MPC2: variants seen among roughly 807,000 people sequenced by gnomAD.
MPC2 encodes the protein brain protein 44.
In MPC2, 19 loss-of-function variants were observed where a neutral mutation model predicts 19.2. The observed-to-expected ratio is 0.99, with a 90% confidence interval of 0.69 to 1.45. The LOEUF (loss-of-function observed/expected upper bound fraction) is 1.45, where lower values mean the gene tolerates loss of function less well. MPC2 is among the 40% of genes most tolerant of loss of function. The pLI is 0.00. For synonymous variants in MPC2, 61 were observed against 54.3 expected, an observed-to-expected ratio of 1.12 and a Z score of -0.54; for missense variants, 122 against 153.0, an observed-to-expected ratio of 0.80 and a Z score of 1.07.
intron 5 of MPC2, among the ~76,000 whole-genome samples, chr1:167,919,534 C>T (rs1670547888): frequency 6.6e-6 from 1 of 152,220 alleles, no homozygotes; most frequent in Non-Finnish European, 1.5e-5. Flanking sequence ...AAAGACCTCA[C>T]TCTACGTATC....
Position 167,937,053 on chromosome 1 carries a change from A to G in MPC2, c.-172T>C. 6.6e-7 allele frequency: 1 copy of G among 1,513,524 alleles called. No individual in the cohort carries two copies. The highest frequency in any genetic ancestry group is 9.0e-7 in the Non-Finnish European group (1 of 1,105,252). The allele number at this position is 1,513,524 out of a possible 1,614,324, so 93.8% of individuals were successfully genotyped here. A position where few individuals can be genotyped will look rare whatever the true frequency, so the allele number is the denominator to read the frequency against. On this transcript the variant is annotated 5_prime_UTR_variant, in exon 1 of 6. Coordinates refer to ENST00000271373, the MANE Select transcript of MPC2 (RefSeq NM_001143674.4). ...CGGAGGCGCTGAGGTCGCCGCCTAG[A>G]GTGGGGGAGGGGGCACGCTGCCGGG...
chr1:167,936,137 G>A, intron 1 of MPC2: 1 of 408,948 alleles, frequency 2.4e-6, no homozygotes, highest in Non-Finnish European at 4.6e-6. Context: ...ACCTCACCAA[G>A]TCTGCGCTGC....
chr1:167,929,211 A>G (rs1299499828), intron 2 of MPC2, among the ~76,000 whole-genome samples: 1 of 148,796 alleles, frequency 6.7e-6, no homozygotes, highest in Non-Finnish European at 1.5e-5. Context: ...ATACAAAATT[A>G]GCCGGGCGTG....
At chr1:167,934,929 T>C (rs1671037205) in intron 2 of MPC2, among the ~76,000 whole-genome samples, 1 of 152,100 alleles carries the variant, frequency 6.6e-6, no homozygotes, top group Admixed American at 6.5e-5. Flanking sequence ...TTCAGTTTCT[T>C]ACAGTTTTTT....
rs549889719 is a variant in MPC2, at chr1:167,936,135, A to C, written c.-57-237T>G. 17 of 412,180 alleles carry C rather than the reference A, an allele frequency of 4.1e-5. No individual in the cohort carries two copies. The East Asian group carries it at 4.7e-4, about 11-fold the overall frequency. The allele number at this position is 412,180 out of a possible 1,614,324, so 25.5% of individuals were successfully genotyped here. ...CAGGTGCCAAAATAATCACCTCACC[A>C]AGTCTGCGCTGCGCCCTGCTGGCAG... On this transcript the variant is annotated intron_variant, in intron 1 of 5. Transcript: ENST00000271373.
intron 2 of MPC2, among the ~76,000 whole-genome samples, chr1:167,928,681 A>C (rs1670822163): frequency 1.3e-5 from 2 of 152,258 alleles, no homozygotes; most frequent in African/African-American, 4.8e-5. Context: ...ACACAGGCTT[A>C]TGTTCTGTAC....
At chr1:167,918,742 C>T (rs1412417359) in intron 5 of MPC2, among the ~76,000 whole-genome samples, 4 of 151,658 alleles carry the variant, frequency 2.6e-5, no homozygotes, top group East Asian at 3.9e-4. Context: ...TACAGGCGCC[C>T]GCCACCACTT....
chr1:167,935,788 A>G lies in MPC2; in HGVS notation c.54T>C (p.Asp18=). ...GLRATYHRLL[D]KVELMLPEKL... The stretch of plus-strand genomic sequence containing the variant: ...TCTCGGGCAGCATCAGCTCCACTTT[A>G]TCGAGGAGCCGGTGGTAGGTGGCCC... Residue 18 remains aspartate (D), a synonymous_variant, in exon 2 of 6, where the codon GAT becomes GAC. Coordinates refer to ENST00000271373, the MANE Select transcript of MPC2 (RefSeq NM_001143674.4). The G allele has an allele frequency of 6.4e-7, 1 of 1,562,364 alleles. No homozygotes were observed. Among genetic ancestry groups the G allele is most frequent in the Non-Finnish European group, 8.7e-7 (1 of 1,153,476 alleles).
chr1:167,919,829 T>C (rs1244970660), intron 5 of MPC2, 150 bp downstream of exon 5: 1 of 503,450 alleles, frequency 2.0e-6, no homozygotes, highest in East Asian at 3.3e-5. Flanking sequence ...TAGATACTTC[T>C]TGTCTTAGCA....
chr1:167,924,430 T>C (rs1472789760), intron 3 of MPC2, 67 bp downstream of exon 3: 1 of 1,362,160 alleles, frequency 7.3e-7, no homozygotes, highest in Non-Finnish European at 1.0e-6. Context: ...TAAAAGTTAC[T>C]TCAAATTAGT....
intron 5 of MPC2, among the ~76,000 whole-genome samples, chr1:167,918,987 C>T (rs1413297705): frequency 1.3e-5 from 2 of 152,084 alleles, no homozygotes; most frequent in Non-Finnish European, 1.5e-5. Context: ...TCTACAAGAA[C>T]GTGACAAACT....
At position 167,918,286 on chromosome 1, in the gene MPC2, G is replaced by T. The variant is rs774678637; in HGVS notation, c.*37C>A. 1.3e-6 allele frequency: 2 copies of T among 1,511,688 alleles called. No homozygotes were observed. Among genetic ancestry groups the T allele is most frequent in the Non-Finnish European group, 1.8e-6 (2 of 1,103,222 alleles). The allele number at this position is 1,511,688 out of a possible 1,614,324, so 93.6% of individuals were successfully genotyped here. ...TAATAAACTAGGTCCCAATGGTTTT[G>T]TCCACATCTAGATTGTTCAGGTGAT... is the stretch of plus-strand genomic sequence containing the variant. On this transcript the variant is annotated 3_prime_UTR_variant, in exon 6 of 6. Transcript: ENST00000271373.
At chr1:167,936,272 G>A (rs1015097790) in intron 1 of MPC2, 2 of 208,318 alleles carry the variant, frequency 9.6e-6, no homozygotes, top group East Asian at 1.4e-4. Context: ...TGTTGGAGAA[G>A]GGAAAGTGAA....
At chr1:167,920,812 T>A (rs1463561435) in intron 3 of MPC2, among the ~76,000 whole-genome samples, 181 bp from the exon 4 acceptor site, 1 of 152,222 alleles carries the variant, frequency 6.6e-6, no homozygotes, top group Non-Finnish European at 1.5e-5. Context: ...AAAAAACTGC[T>A]TTTTGAACTA....
At chr1:167,918,457 TG>T in intron 5 of MPC2, 98 bp from the exon 6 acceptor site, 1 of 754,390 alleles carries the variant, frequency 1.3e-6, no homozygotes, top group Non-Finnish European at 2.1e-6. Context: ...TCTTTCTTGG[TG>T]GTCAAGTAGC....
intron 2 of MPC2, among the ~76,000 whole-genome samples, chr1:167,929,423 C>T (rs1356422095): frequency 2.0e-5 from 3 of 152,060 alleles, no homozygotes; most frequent in Non-Finnish European, 4.4e-5. Flanking sequence ...ATGAAAAATA[C>T]TGACTATAAG....
At chr1:167,925,442 C>CGTGTATATAT (rs1553200802) in intron 2 of MPC2, among the ~76,000 whole-genome samples, 22 of 82,444 alleles carry the variant, frequency 2.7e-4, no homozygotes, top group African/African-American at 1.0e-3. Context: ...TACATATACA[C>CGTGTATATAT]ATATATATAT....
At chr1:167,925,646 A>G (rs1670739130) in intron 2 of MPC2, among the ~76,000 whole-genome samples, 1 of 149,728 alleles carries the variant, frequency 6.7e-6, no homozygotes, top group African/African-American at 2.5e-5. Context: ...TCCCGGGTTC[A>G]AGTGATTCTC....
intron 2 of MPC2, among the ~76,000 whole-genome samples, chr1:167,925,658 T>C (rs967558324): frequency 2.0e-5 from 3 of 151,286 alleles, no homozygotes; most frequent in African/African-American, 7.3e-5. Flanking sequence ...GTGATTCTCT[T>C]GCCTTAGCCT....
Sources: allele counts gnomAD v4.1 joint callset (sites outside exome capture counted in the v4.1 genomes callset), GRCh38; gene constraint gnomAD v4.1.1; transcripts MANE v1.5; gene names NCBI Gene and HGNC (gene_info 2026-07-23, HGNC 2026-07-21).